CORO2B: variants seen among roughly 807,000 people sequenced by gnomAD.
CORO2B encodes the protein coronin-2B.
Under a neutral mutation model 58.8 loss-of-function variants are expected in CORO2B, and 26 were observed. The ratio of observed to expected loss-of-function variants is 0.44; its 90% CI spans 0.32 to 0.61. The LOEUF (loss-of-function observed/expected upper bound fraction) is 0.61, where lower values mean the gene tolerates loss of function less well. CORO2B is among the 20% of genes least tolerant of loss of function. CORO2B has a pLI of 0.04. For missense variants in CORO2B, 460 were observed against 645.1 expected (o/e 0.71, Z 3.11); for synonymous variants, 242 against 253.8 (o/e 0.95, Z 0.44).
chr15:68,587,047 TATACACACACACACACACACACACAC>T (rs1284249954), intron 1 of CORO2B, among the ~76,000 whole-genome samples: 12 of 141,832 alleles, frequency 8.5e-5, no homozygotes, highest in South Asian at 6.7e-4. Flanking sequence ...GGGAGATATG[TATACACACACACACACACACACACAC>T]ACACACACAC....
intron 1 of CORO2B, among the ~76,000 whole-genome samples, chr15:68,624,839 C>T (rs948764261): frequency 1.3e-5 from 2 of 152,136 alleles, no homozygotes; most frequent in South Asian, 2.1e-4. Flanking sequence ...CCTACCACCA[C>T]GCCCAGCAAA....
intron 1 of CORO2B, among the ~76,000 whole-genome samples, chr15:68,610,366 G>C (rs900585925): frequency 2.8e-4 from 42 of 152,248 alleles, no homozygotes; most frequent in African/African-American, 1.0e-3. Flanking sequence ...GGGCTGGCTT[G>C]GGCCCTGCAT....
chr15:68,529,721 GT>G, the CORO2B span, among the ~76,000 whole-genome samples: 1 of 152,036 alleles, frequency 6.6e-6, no homozygotes, highest in Non-Finnish European at 1.5e-5. Context: ...TTGCTCTTCT[GT>G]TTCTAAAGAT....
At chr15:68,553,643 G>C in the CORO2B span, among the ~76,000 whole-genome samples, 1 of 152,238 alleles carries the variant, frequency 6.6e-6, no homozygotes, top group East Asian at 1.9e-4. Context: ...CAAGTGGAAG[G>C]CTTCTTGGAG....
At chr15:68,719,605 C>G in intron 11 of CORO2B, 53 bp downstream of exon 11, 4 of 1,556,508 alleles carry the variant, frequency 2.6e-6, no homozygotes, top group Non-Finnish European at 3.5e-6. Flanking sequence ...AAGACCTTTA[C>G]ATTTCAATTA....
chr15:68,719,607 T>C, intron 11 of CORO2B, 55 bp downstream of exon 11: 1 of 1,554,996 alleles, frequency 6.4e-7, no homozygotes, highest in Non-Finnish European at 8.7e-7. Flanking sequence ...GACCTTTACA[T>C]TTCAATTATG....
chr15:68,546,923 G>A, the CORO2B span, among the ~76,000 whole-genome samples: 2,210 of 152,140 alleles, frequency 0.015, 63 homozygotes, highest in African/African-American at 0.05. Context: ...TTGTTGGATC[G>A]CATCTTACGT....
the CORO2B span, among the ~76,000 whole-genome samples, chr15:68,548,381 T>C: frequency 6.6e-6 from 1 of 152,144 alleles, no homozygotes; most frequent in African/African-American, 2.4e-5. Context: ...AATAACCTAT[T>C]TGCAGTGGTG....
intron 3 of CORO2B, among the ~76,000 whole-genome samples, chr15:68,708,816 A>G (rs1164375815): frequency 6.6e-6 from 1 of 152,086 alleles, no homozygotes; most frequent in Non-Finnish European, 1.5e-5. Flanking sequence ...AATAGTTGGG[A>G]CTACAGGTGC....
At chr15:68,532,367 G>GT in the CORO2B span, among the ~76,000 whole-genome samples, 1 of 152,072 alleles carries the variant, frequency 6.6e-6, no homozygotes, top group Admixed American at 6.5e-5. Flanking sequence ...CTGTTTTGGT[G>GT]TCAGTGGTTT....
chr15:68,541,890 G>A, the CORO2B span, among the ~76,000 whole-genome samples: 23 of 152,168 alleles, frequency 1.5e-4, no homozygotes, highest in South Asian at 1.0e-3. Context: ...TGTGCCCTGC[G>A]AACTCTGACA....
At chr15:68,697,211 T>C (rs958551796) in intron 3 of CORO2B, among the ~76,000 whole-genome samples, 2 of 150,384 alleles carry the variant, frequency 1.3e-5, no homozygotes, top group Non-Finnish European at 2.9e-5. Flanking sequence ...GATGGATGGA[T>C]TGTTGGATGG....
intron 2 of CORO2B, among the ~76,000 whole-genome samples, chr15:68,687,307 C>T (rs1903016230): frequency 6.6e-6 from 1 of 152,218 alleles, no homozygotes; most frequent in African/African-American, 2.4e-5. Context: ...AGCTGATTCT[C>T]TAGGTAAGAA....
At chr15:68,533,942 TC>T in the CORO2B span, among the ~76,000 whole-genome samples, 1 of 152,264 alleles carries the variant, frequency 6.6e-6, no homozygotes, top group South Asian at 2.1e-4. Flanking sequence ...CTCTGTAGCT[TC>T]CAGGACAGAT....
the CORO2B span, among the ~76,000 whole-genome samples, chr15:68,538,021 A>T: frequency 6.6e-6 from 1 of 152,230 alleles, no homozygotes; most frequent in African/African-American, 2.4e-5. Context: ...TCTAGGTGGA[A>T]CAATTAAGTA....
the CORO2B span, among the ~76,000 whole-genome samples, chr15:68,561,778 C>T: frequency 2.6e-5 from 4 of 152,088 alleles, no homozygotes; most frequent in Non-Finnish European, 5.9e-5. Context: ...CCTGTGTGAG[C>T]GGAGCATGTT....
At chr15:68,659,224 A>G (rs560617981) in intron 2 of CORO2B, among the ~76,000 whole-genome samples, 1 of 152,272 alleles carries the variant, frequency 6.6e-6, no homozygotes, top group African/African-American at 2.4e-5. Flanking sequence ...ACATACTTAA[A>G]CCTGGAAGAG....
In CORO2B at chr15:68,718,764, C is replaced by T. The variant is rs1893091300; in HGVS notation, c.1034C>T (p.Thr345Ile). ...GTGTTCCGCTTCTACAAGCTGGTGA[C>T]TCTCAAGGGCCTGATCGAGCCCATC... ...CEVFRFYKLV[T>I]LKGLIEPISM... is the part of the protein sequence containing the mutation. The change falls in exon 9 of 12, where the codon ACT becomes ATT. Residue 345 changes from threonine (T) to isoleucine (I), a missense_variant. Physicochemically the swap from Thr to Ile is moderately conservative, Grantham distance 89. Around this residue, in one of 2 missense-constraint regions of CORO2B, gnomAD observed 352 missense variants for 543.0 expected, o/e 0.65. Transcript: ENST00000261861. 6 of 1,614,068 alleles carry T rather than the reference C, an allele frequency of 3.7e-6. No homozygotes were observed. The highest frequency in any genetic ancestry group is 5.1e-6 in the Non-Finnish European group (6 of 1,180,028).
At chr15:68,528,821 C>T in the CORO2B span, among the ~76,000 whole-genome samples, 2 of 150,878 alleles carry the variant, frequency 1.3e-5, no homozygotes, top group East Asian at 4.0e-4. Flanking sequence ...AATTCAATTT[C>T]TTCAAGGAAT....
Sources: gnomAD v4.1 joint callset for allele counts (sites outside exome capture counted in the v4.1 genomes callset) on GRCh38, gnomAD v4.1.1 for gene constraint, gnomAD v4.1.1 regional missense constraint, MANE v1.5 for transcripts, NCBI Gene and HGNC (gene_info 2026-07-23, HGNC 2026-07-21) for gene names.